The following ENOX1 variants were observed in gnomAD, a reference collection of about 807,000 sequenced individuals.
ENOX1 encodes ecto-NOX disulfide-thiol exchanger 1.
A neutral mutation model predicts 82.5 loss-of-function variants in ENOX1; 42 were observed. The ratio of observed to expected loss-of-function variants is 0.51; its 90% CI spans 0.40 to 0.66. The LOEUF (loss-of-function observed/expected upper bound fraction) is 0.66. Among genes scored for constraint, ENOX1 ranks in the 30% least tolerant of loss-of-function variants. The probability of loss-of-function intolerance (pLI) is 0.00; values close to 1 mark genes in which losing one functional copy is unlikely to be tolerated. For missense variants in ENOX1, 608 were observed against 811.6 expected, an observed-to-expected ratio of 0.75 and a Z score of 3.05; for synonymous variants, 271 against 282.2, an observed-to-expected ratio of 0.96 and a Z score of 0.40.
intron 1 of ENOX1, among the ~76,000 whole-genome samples, chr13:43,775,601 G>A (rs1951867768): frequency 2.6e-5 from 4 of 152,164 alleles, no homozygotes; most frequent in Admixed American, 2.6e-4. Flanking sequence ...TCTGAGGATG[G>A]AGTGCCCACG....
At chr13:43,742,579 A>G (rs1298465252) in intron 1 of ENOX1, among the ~76,000 whole-genome samples, 1 of 152,138 alleles carries the variant, frequency 6.6e-6, no homozygotes, top group African/African-American at 2.4e-5. Flanking sequence ...TCAAATGTTA[A>G]TCTCTTTCAG....
intron 2 of ENOX1, among the ~76,000 whole-genome samples, chr13:43,584,916 C>A (rs1035218736): frequency 1.3e-5 from 2 of 152,144 alleles, no homozygotes; most frequent in African/African-American, 4.8e-5. Flanking sequence ...GTTTGTTACC[C>A]CATCGCAAGC....
chr13:43,691,189 A>T (rs1289245367), intron 1 of ENOX1, among the ~76,000 whole-genome samples: 2 of 152,066 alleles, frequency 1.3e-5, no homozygotes, highest in African/African-American at 4.8e-5. Flanking sequence ...ATACTGTGAA[A>T]CTTAGGACCA....
chr13:43,622,303 G>C (rs1317593968), intron 2 of ENOX1, among the ~76,000 whole-genome samples: 1 of 152,092 alleles, frequency 6.6e-6, no homozygotes, highest in African/African-American at 2.4e-5. Flanking sequence ...TGATATTTTT[G>C]GGGGGTGTCG....
At chr13:43,548,744 G>A (rs368567873) in intron 2 of ENOX1, among the ~76,000 whole-genome samples, 240 of 152,230 alleles carry the variant, frequency 1.6e-3, no homozygotes, top group Middle Eastern at 3.4e-3. Context: ...AAGCTAAGAC[G>A]GGACGACCCA....
chr13:43,584,441 C>T (rs944381231), intron 2 of ENOX1, among the ~76,000 whole-genome samples: 1 of 152,062 alleles, frequency 6.6e-6, no homozygotes, highest in East Asian at 1.9e-4. Context: ...ATTTGTTATG[C>T]GTGGCAGGGT....
intron 2 of ENOX1, among the ~76,000 whole-genome samples, chr13:43,641,325 G>A (rs1253440883): frequency 1.3e-5 from 2 of 151,846 alleles, no homozygotes; most frequent in Admixed American, 1.3e-4. Flanking sequence ...CCAAATCCAG[G>A]CCTCTCAATT....
intron 2 of ENOX1, among the ~76,000 whole-genome samples, chr13:43,628,838 AC>A (rs915191917): frequency 6.6e-5 from 10 of 152,102 alleles, no homozygotes; most frequent in African/African-American, 2.2e-4. Context: ...CTTCGCTGAC[AC>A]CCAAGTGGGA....
intron 7 of ENOX1, among the ~76,000 whole-genome samples, chr13:43,359,439 C>A (rs1220485022): frequency 2.6e-5 from 4 of 152,212 alleles, no homozygotes; most frequent in Non-Finnish European, 5.9e-5. Flanking sequence ...TACTTTCCTG[C>A]AAGGAACTGA....
chr13:43,470,366 G>GTGTATATA, intron 3 of ENOX1, among the ~76,000 whole-genome samples: 1 of 7,198 alleles, frequency 1.4e-4, no homozygotes, highest in East Asian at 1.3e-3. Context: ...ATATATATAC[G>GTGTATATA]TATATATATA....
At chr13:43,515,548 C>T (rs1242041086) in intron 2 of ENOX1, among the ~76,000 whole-genome samples, 2 of 152,084 alleles carry the variant, frequency 1.3e-5, no homozygotes, top group East Asian at 1.9e-4. Flanking sequence ...TCACAACAAC[C>T]TTACAAGGTA....
intron 3 of ENOX1, among the ~76,000 whole-genome samples, chr13:43,457,379 T>C (rs1270549476): frequency 2.0e-5 from 3 of 152,220 alleles, no homozygotes; most frequent in Non-Finnish European, 4.4e-5. Context: ...TTTCCATAAA[T>C]GTTATCTTTA....
At chr13:43,614,871 T>C (rs73184142) in intron 2 of ENOX1, among the ~76,000 whole-genome samples, 5,257 of 152,286 alleles carry the variant, frequency 0.035, 103 homozygotes, top group Middle Eastern at 0.041. Flanking sequence ...AGGCATCATG[T>C]GAGAACTTGC....
chr13:43,610,320 T>C (rs1195967172), intron 2 of ENOX1, among the ~76,000 whole-genome samples: 1 of 152,212 alleles, frequency 6.6e-6, no homozygotes, highest in African/African-American at 2.4e-5. Context: ...GTGCTGTGTA[T>C]TCAACTGTGT....
intron 11 of ENOX1, among the ~76,000 whole-genome samples, chr13:43,303,409 T>A (rs2046693252): frequency 6.6e-6 from 1 of 152,216 alleles, no homozygotes; most frequent in Admixed American, 6.5e-5. Flanking sequence ...AGCTATTCTG[T>A]GGCAGAGACA....
At chr13:43,224,808 G>A (rs576149240) in intron 15 of ENOX1, among the ~76,000 whole-genome samples, 6 of 152,304 alleles carry the variant, frequency 3.9e-5, no homozygotes, top group South Asian at 4.2e-4. Context: ...CTCTTCCATC[G>A]TGCAAATCAG....
Position 43,224,104 on chromosome 13 carries a change from A to G in ENOX1, c.1749T>C (p.Phe583=), listed in dbSNP as rs960371723. The G allele has an allele frequency of 3.7e-6, 6 of 1,613,900 alleles. No homozygotes were observed. In the Admixed American group the frequency reaches 5.0e-5, roughly 13 times the overall value. ...IISTFLHVHP[F]GANIEYLWSY... ...ACCAAAGATATTCTATGTTGGCTCC[A>G]AAAGGATGGACGTGAAGAAACGTTG... Residue 583 remains phenylalanine (F), a synonymous_variant, in exon 16 of 17, where the codon TTT becomes TTC. Transcript: ENST00000690772.
chr13:43,460,629 C>T (rs144414679), intron 3 of ENOX1, among the ~76,000 whole-genome samples: 1,736 of 151,886 alleles, frequency 0.011, 23 homozygotes, highest in Non-Finnish European at 0.02. Context: ...CCTGTCTCTA[C>T]TAAAAATACA....
intron 1 of ENOX1, among the ~76,000 whole-genome samples, chr13:43,687,494 T>G (rs1013519606): frequency 1.3e-5 from 2 of 152,192 alleles, no homozygotes; most frequent in Non-Finnish European, 2.9e-5. Context: ...CTTCCCCACT[T>G]GTACCCACCA....
Sources: allele counts gnomAD v4.1 joint callset (sites outside exome capture counted in the v4.1 genomes callset), GRCh38; gene constraint gnomAD v4.1.1; transcripts MANE v1.5; gene names NCBI Gene and HGNC (gene_info 2026-07-23, HGNC 2026-07-21).